SCN8A: variants seen among roughly 807,000 people sequenced by gnomAD.
The protein encoded by SCN8A is sodium voltage-gated channel alpha subunit 8, also known as sodium channel protein type 8 subunit alpha.
Under a neutral mutation model 184.1 loss-of-function variants are expected in SCN8A, and 30 were observed. The ratio of observed to expected loss-of-function variants is 0.16; its 90% CI spans 0.12 to 0.22. The LOEUF (loss-of-function observed/expected upper bound fraction) is 0.22. SCN8A is among the 10% of genes least tolerant of loss of function. The pLI is 1.00. For synonymous variants in SCN8A, 852 were observed against 907.0 expected (o/e 0.94, Z 1.09); for missense variants, 1,057 against 2,498.9 (o/e 0.42, Z 12.30).
At chr12:51,642,987 A>G (rs1940489229) in intron 1 of SCN8A, among the ~76,000 whole-genome samples, 1 of 152,202 alleles carries the variant, frequency 6.6e-6, no homozygotes, top group South Asian at 2.1e-4. Flanking sequence ...CCTCTTAGCC[A>G]CACTGAAGGC....
At chr12:51,633,319 A>G (rs1414692580) in intron 1 of SCN8A, among the ~76,000 whole-genome samples, 2 of 152,244 alleles carry the variant, frequency 1.3e-5, no homozygotes, top group Non-Finnish European at 2.9e-5. Context: ...ATAATCTCTT[A>G]TCTAGATTCC....
intron 1 of SCN8A, among the ~76,000 whole-genome samples, chr12:51,639,263 G>A (rs1940388926): frequency 6.6e-6 from 1 of 152,180 alleles, no homozygotes; most frequent in Non-Finnish European, 1.5e-5. Context: ...ACAGCGTGCT[G>A]GGCTGAAAGT....
intron 16 of SCN8A, 21 bp from the exon 17 acceptor site, chr12:51,768,844 T>A: frequency 6.6e-7 from 1 of 1,516,492 alleles, no homozygotes. Context: ...TTGTTCCTTT[T>A]TTCCAATGCT....
rs763332257 is a variant in SCN8A, at chr12:51,598,922, C to CCT, written c.-55+7566_-55+7567dup. ...CCTTTTCCTTAAGAAATACATAATG[C>CCT]CTCTGTTTTATTTTTCTTAGTAAAA... On this transcript the variant is annotated intron_variant, in intron 1 of 26. Transcript: ENST00000627620. 1.5e-4 allele frequency among the ~76,000 whole-genome samples: 23 copies of CCT among 152,242 alleles called. No individual in the cohort carries two copies. The South Asian group carries it at 2.3e-3, about 15-fold the overall frequency.
At chr12:51,734,652 TGTTTATGGCCAGTTTTGGGGCCA>T (rs1248474489) in intron 12 of SCN8A, among the ~76,000 whole-genome samples, 2 of 152,226 alleles carry the variant, frequency 1.3e-5, no homozygotes, top group African/African-American at 2.4e-5. Flanking sequence ...GCAGAGATTT[TGTTTATGGCCAGTTTTGGGGCCA>T]GTTTATGGCC....
At chr12:51,719,956 G>A (rs867642200) in intron 11 of SCN8A, among the ~76,000 whole-genome samples, 109 of 151,404 alleles carry the variant, frequency 7.2e-4, no homozygotes, top group African/African-American at 2.6e-3. Context: ...GGCGCCTGTA[G>A]TCCCAGCTAC....
chr12:51,611,714 G>A (rs145762307), intron 1 of SCN8A, among the ~76,000 whole-genome samples: 1,574 of 151,990 alleles, frequency 0.01, 20 homozygotes, highest in South Asian at 0.054. Context: ...GGCTGGTCTC[G>A]AACTCCCTGA....
chr12:51,784,119 G>A (rs1057088710), intron 21 of SCN8A, among the ~76,000 whole-genome samples: 5 of 152,162 alleles, frequency 3.3e-5, no homozygotes, highest in African/African-American at 1.2e-4. Context: ...TTCAAAATAA[G>A]AAATATGATC....
intron 14 of SCN8A, 85 bp downstream of exon 14, chr12:51,751,678 T>G: frequency 9.7e-7 from 1 of 1,029,098 alleles, no homozygotes; most frequent in Non-Finnish European, 1.4e-6. Context: ...AAAGCTGGAG[T>G]TTCTTTGAAA....
intron 11 of SCN8A, among the ~76,000 whole-genome samples, chr12:51,719,822 A>T (rs899482086): frequency 6.6e-6 from 1 of 152,202 alleles, no homozygotes; most frequent in Non-Finnish European, 1.5e-5. Context: ...CACGCCTGTA[A>T]TCCCAGCACT....
intron 14 of SCN8A, among the ~76,000 whole-genome samples, chr12:51,753,046 A>G (rs1175186901): frequency 1.3e-5 from 2 of 152,178 alleles, no homozygotes; most frequent in African/African-American, 2.4e-5. Flanking sequence ...CAGGCTAGCA[A>G]ATAATGTTAT....
chr12:51,805,409 C>A (rs1413992127), intron 26 of SCN8A, among the ~76,000 whole-genome samples: 1 of 151,738 alleles, frequency 6.6e-6, no homozygotes, highest in Non-Finnish European at 1.5e-5. Context: ...CATAGCAAGA[C>A]CCCCATCTCT....
At chr12:51,595,628 A>T (rs1458302249) in intron 1 of SCN8A, among the ~76,000 whole-genome samples, 1 of 152,184 alleles carries the variant, frequency 6.6e-6, no homozygotes, top group Non-Finnish European at 1.5e-5. Flanking sequence ...TAAAAGTGGG[A>T]ATAATAATAC....
intron 26 of SCN8A, among the ~76,000 whole-genome samples, chr12:51,796,631 C>G (rs1055085162): frequency 1.2e-4 from 19 of 152,140 alleles, no homozygotes; most frequent in African/African-American, 4.1e-4. Context: ...AACTGACTCA[C>G]GATCACAAGG....
At position 51,721,600 on chromosome 12, in the gene SCN8A, A is replaced by G. The variant is rs761977560; in HGVS notation, c.1690A>G (p.Ser564Gly). 1.2e-6 allele frequency: 2 copies of G among 1,613,354 alleles called. No individual in the cohort carries two copies. The highest frequency in any genetic ancestry group is 3.3e-5 in the Admixed American group (2 of 59,948). ...CCTCTCCCGCCACAACAGCAAGAGC[A>G]GCATCTTCAGTTTCAGGGGACCTGG... ...PFLSRHNSKS[S>G]IFSFRGPGRF... is the part of the protein sequence containing the mutation. Residue 564 changes from serine (S) to glycine (G), a missense_variant, in exon 12 of 27, where the codon AGC becomes GGC. Around this residue, in one of 19 missense-constraint regions of SCN8A, gnomAD observed 322 missense variants for 390.1 expected, o/e 0.83. Transcript: ENST00000627620.
At chr12:51,705,757 A>G (rs1384270989) in intron 10 of SCN8A, 134 bp downstream of exon 10, 1 of 752,704 alleles carries the variant, frequency 1.3e-6, no homozygotes, top group South Asian at 2.0e-5. Flanking sequence ...AAAATAACCC[A>G]AGTAACAACT....
intron 1 of SCN8A, among the ~76,000 whole-genome samples, chr12:51,623,858 T>G (rs548212465): frequency 6.6e-6 from 1 of 152,196 alleles, no homozygotes; most frequent in East Asian, 1.9e-4. Flanking sequence ...AGTGAGAACA[T>G]GCGGTGTTTG....
At chr12:51,712,158 A>G (rs973450948) in intron 11 of SCN8A, among the ~76,000 whole-genome samples, 1 of 152,216 alleles carries the variant, frequency 6.6e-6, no homozygotes, top group African/African-American at 2.4e-5. Context: ...TGTAATGAAA[A>G]GAAAAAGAAA....
At chr12:51,772,812 C>T (rs1275826984) in intron 19 of SCN8A, among the ~76,000 whole-genome samples, 8 of 146,442 alleles carry the variant, frequency 5.5e-5, no homozygotes, top group Admixed American at 4.0e-4. Flanking sequence ...AACCCCATCT[C>T]TACTAAAAAT....
Sources: gnomAD v4.1 joint callset for allele counts (sites outside exome capture counted in the v4.1 genomes callset) on GRCh38, gnomAD v4.1.1 for gene constraint, gnomAD v4.1.1 regional missense constraint, MANE v1.5 for transcripts, NCBI Gene and HGNC (gene_info 2026-07-23, HGNC 2026-07-21) for gene names.